The following PDE1C variants were observed in gnomAD, a reference collection of about 807,000 sequenced individuals.
The protein encoded by PDE1C is phosphodiesterase 1C.
A neutral mutation model predicts 93.1 loss-of-function variants in PDE1C; 62 were observed. The ratio of observed to expected loss-of-function variants is 0.67; its 90% CI spans 0.54 to 0.82. The LOEUF (loss-of-function observed/expected upper bound fraction) is 0.82, where lower values mean the gene tolerates loss of function less well. PDE1C is among the 40% of genes least tolerant of loss of function. PDE1C has a pLI of 0.00. For synonymous variants in PDE1C, 325 were observed against 310.1 expected (o/e 1.05, Z -0.50); for missense variants, 742 against 884.6 (o/e 0.84, Z 2.04).
At chr7:31,928,254 G>A (rs1221167064) in intron 2 of PDE1C, among the ~76,000 whole-genome samples, 4 of 151,910 alleles carry the variant, frequency 2.6e-5, no homozygotes, top group Admixed American at 6.6e-5. Context: ...AGAATGAAAA[G>A]GAACAAATAA....
chr7:31,913,909 T>C lies in PDE1C; in HGVS notation c.129-33049A>G, dbSNP rs144116343. Among the ~76,000 whole-genome samples, 55 of 152,256 alleles carry C rather than the reference T, an allele frequency of 3.6e-4. No individual in the cohort carries two copies. The East Asian group carries it at 5.4e-3, about 15-fold the overall frequency. Reference sequence around the variant, plus strand: ...GCACAGTCCACTTCATAAATCTCCCTTCAGCTTGCTACCTTCCGCCCACAT... The same window carrying C: ...GCACAGTCCACTTCATAAATCTCCCCTCAGCTTGCTACCTTCCGCCCACAT... On this transcript the variant is annotated intron_variant, in intron 2 of 17. Coordinates refer to ENST00000396191, the MANE Select transcript of PDE1C (RefSeq NM_001191057.4).
At chr7:31,791,305 T>A (rs1302707029) in intron 16 of PDE1C, among the ~76,000 whole-genome samples, 2 of 152,094 alleles carry the variant, frequency 1.3e-5, no homozygotes, top group Non-Finnish European at 2.9e-5. Context: ...TTACCCTCCA[T>A]TAACACCTTC....
intron 2 of PDE1C, among the ~76,000 whole-genome samples, chr7:32,014,123 G>A (rs1324452961): frequency 6.6e-6 from 1 of 152,216 alleles, no homozygotes; most frequent in African/African-American, 2.4e-5. Flanking sequence ...ACAATATGTA[G>A]CTGAAAGACC....
chr7:32,341,206 C>T (rs1228094531), intron 1 of PDE1C, among the ~76,000 whole-genome samples: 3 of 71,872 alleles, frequency 4.2e-5, no homozygotes, highest in African/African-American at 1.1e-4. Flanking sequence ...GACGGAGTCT[C>T]GCTCTGTCGC....
chr7:31,965,292 C>T (rs983915646), intron 2 of PDE1C, among the ~76,000 whole-genome samples: 7 of 152,228 alleles, frequency 4.6e-5, no homozygotes, highest in Admixed American at 6.5e-5. Context: ...AACTATGGCA[C>T]GAGAACTATG....
intron 1 of PDE1C, among the ~76,000 whole-genome samples, chr7:32,273,427 A>G (rs1263958299): frequency 6.6e-6 from 1 of 152,224 alleles, no homozygotes; most frequent in Non-Finnish European, 1.5e-5. Flanking sequence ...TTCTGAAGTA[A>G]AAGTATGGCT....
At chr7:31,926,127 G>A (rs184267443) in intron 2 of PDE1C, among the ~76,000 whole-genome samples, 4 of 152,062 alleles carry the variant, frequency 2.6e-5, no homozygotes, top group East Asian at 1.9e-4. Flanking sequence ...CCCTACACAC[G>A]TCTGTACATA....
At chr7:31,729,241 C>T in the PDE1C span, among the ~76,000 whole-genome samples, 8 of 152,154 alleles carry the variant, frequency 5.3e-5, no homozygotes, top group Admixed American at 2.0e-4. Context: ...CCACTTGGGC[C>T]GTTCTGGGAA....
intron 2 of PDE1C, among the ~76,000 whole-genome samples, chr7:31,960,821 C>G (rs890366293): frequency 6.6e-5 from 10 of 152,042 alleles, no homozygotes; most frequent in African/African-American, 2.4e-4. Context: ...CATAATTTTC[C>G]AAAATCTAAC....
chr7:32,242,845 G>T (rs10263751), intron 1 of PDE1C, among the ~76,000 whole-genome samples: 133,328 of 152,180 alleles, frequency 0.88, 58,576 homozygotes, highest in South Asian at 0.94. Context: ...AGGGTAAAGT[G>T]GCCATTCAGT....
At chr7:32,159,439 T>C (rs1219523112) in intron 3 of PDE1C, among the ~76,000 whole-genome samples, 1 of 152,206 alleles carries the variant, frequency 6.6e-6, no homozygotes, top group Non-Finnish European at 1.5e-5. Flanking sequence ...TAAAGGGGTC[T>C]GCTTTATTTT....
At chr7:31,692,518 A>G in the PDE1C span, 2 of 1,595,912 alleles carry the variant, frequency 1.3e-6, no homozygotes, top group East Asian at 2.2e-5. Context: ...CGTTGCAGCC[A>G]CTTAGGTAAA....
intron 1 of PDE1C, among the ~76,000 whole-genome samples, chr7:32,297,954 AATCTCTCTCTCT>A (rs1812684999): frequency 3.1e-5 from 1 of 32,700 alleles, no homozygotes; most frequent in South Asian, 1.2e-3. Flanking sequence ...ACTATTGTTC[AATCTCTCTCTCT>A]CTCTCTCTCT....
intron 15 of PDE1C, among the ~76,000 whole-genome samples, chr7:31,812,404 T>G (rs2128716562): frequency 6.6e-6 from 1 of 152,242 alleles, no homozygotes; most frequent in South Asian, 2.1e-4. Context: ...TGTGACTAGC[T>G]TATTTGCATT....
intron 1 of PDE1C, among the ~76,000 whole-genome samples, chr7:32,362,102 C>T (rs962812750): frequency 1.8e-4 from 28 of 152,130 alleles, no homozygotes; most frequent in African/African-American, 5.3e-4. Context: ...TCCCCCAGGG[C>T]GGGGAGAACG....
At chr7:31,638,602 C>T in the PDE1C span, among the ~76,000 whole-genome samples, 7 of 152,146 alleles carry the variant, frequency 4.6e-5, no homozygotes, top group East Asian at 1.9e-4. Flanking sequence ...ATGATTTTTC[C>T]TTTCAATACC....
chr7:31,964,405 G>C (rs1213538971), intron 2 of PDE1C, among the ~76,000 whole-genome samples: 1 of 152,244 alleles, frequency 6.6e-6, no homozygotes, highest in Non-Finnish European at 1.5e-5. Flanking sequence ...AGTGAGGCTG[G>C]GGGAGGGGCG....
At chr7:32,342,829 C>A (rs1783784575) in intron 1 of PDE1C, among the ~76,000 whole-genome samples, 1 of 152,132 alleles carries the variant, frequency 6.6e-6, no homozygotes, top group South Asian at 2.1e-4. Flanking sequence ...ATACTAAAAA[C>A]CCCAAAGTAT....
At chr7:32,010,283 C>T (rs776828742) in intron 2 of PDE1C, among the ~76,000 whole-genome samples, 6 of 152,156 alleles carry the variant, frequency 3.9e-5, no homozygotes, top group Non-Finnish European at 7.4e-5. Flanking sequence ...TTGGTATTAG[C>T]ATCAAGATAG....
Sources: allele counts gnomAD v4.1 joint callset (sites outside exome capture counted in the v4.1 genomes callset), GRCh38; gene constraint gnomAD v4.1.1; transcripts MANE v1.5; gene names NCBI Gene and HGNC (gene_info 2026-07-23, HGNC 2026-07-21).